MORC1: variants seen among roughly 807,000 people sequenced by gnomAD.
MORC1 encodes MORC family CW-type zinc finger 1, also known as MORC family CW-type zinc finger protein 1.
MORC1 carries 59 observed loss-of-function variants against 134.9 expected under a neutral mutation model. The ratio of observed to expected loss-of-function variants is 0.44; its 90% CI spans 0.35 to 0.54. The LOEUF (loss-of-function observed/expected upper bound fraction) is 0.54, where lower values mean the gene tolerates loss of function less well. Among genes scored for constraint, MORC1 ranks in the 20% least tolerant of loss-of-function variants. MORC1 has a pLI of 0.00. For missense variants in MORC1, 947 were observed against 1,134.5 expected, an observed-to-expected ratio of 0.83 and a Z score of 2.37; for synonymous variants, 395 against 391.7, an observed-to-expected ratio of 1.01 and a Z score of -0.10.
At chr3:109,110,050 C>G (rs185068309) in intron 3 of MORC1, 1 of 152,344 alleles carries the variant, frequency 6.6e-6, no homozygotes, top group East Asian at 1.9e-4. Context: ...CCACGTCTAT[C>G]TCTCTCATGA....
chr3:109,048,366 T>C (rs1949744094), intron 14 of MORC1, among the ~76,000 whole-genome samples: 2 of 152,306 alleles, frequency 1.3e-5, no homozygotes, highest in Non-Finnish European at 2.9e-5. Context: ...AATGCTAAAA[T>C]ACTTAGGGAT....
At chr3:109,081,009 T>TCACC (rs1349282240) in intron 8 of MORC1, among the ~76,000 whole-genome samples, 1 of 152,064 alleles carries the variant, frequency 6.6e-6, no homozygotes, top group Non-Finnish European at 1.5e-5. Flanking sequence ...AATTAATCCT[T>TCACC]CACCCTCCAT....
chr3:109,054,483 G>A (rs772378329), intron 14 of MORC1, among the ~76,000 whole-genome samples: 21 of 152,086 alleles, frequency 1.4e-4, no homozygotes, highest in Non-Finnish European at 2.5e-4. Flanking sequence ...ATGGTCAGCT[G>A]CCACCTCACT....
At position 109,116,529 on chromosome 3, in the gene MORC1, G is replaced by A. The variant is rs752928061; in HGVS notation, c.65+1466C>T. ...CTCATGACTGTAATCCCAGCACTCCGGGAGGCCGAAGTGGGAGGATCACCT... is the reference window on the plus strand; with the variant it reads ...CTCATGACTGTAATCCCAGCACTCCAGGAGGCCGAAGTGGGAGGATCACCT... On this transcript the variant is annotated intron_variant, in intron 1 of 27. Transcript: ENST00000232603. Among the ~76,000 whole-genome samples, 7 of 152,300 alleles carry A rather than the reference G, an allele frequency of 4.6e-5. 1 individual carries two copies. In the East Asian group the frequency reaches 9.6e-4, roughly 21 times the overall value.
Position 108,963,532 on chromosome 3 carries a change from G to A in MORC1, c.2681C>T (p.Thr894Ile). The change falls in exon 27 of 28, where the codon ACA becomes ATA. Residue 894 changes from threonine to isoleucine, a missense_variant. By Grantham distance (89) the Thr-to-Ile change is moderately conservative. Coordinates refer to ENST00000232603, the MANE Select transcript of MORC1 (RefSeq NM_014429.4). ...AGAGATTTCATTATGTATTCCTCTT[G>A]TATTTGAATCATAGATAATGGACTG... ...KLQSIIYDSN[T>I]RGIHNEISLG... 1 of 1,603,956 alleles carries A rather than the reference G, an allele frequency of 6.2e-7. No individual in the cohort carries two copies.
At chr3:108,989,841 C>T (rs1947997871) in intron 21 of MORC1, among the ~76,000 whole-genome samples, 1 of 152,146 alleles carries the variant, frequency 6.6e-6, no homozygotes, top group Admixed American at 6.6e-5. Flanking sequence ...CCAGATACTA[C>T]CACGGCGAAA....
At chr3:109,101,640 T>C (rs967239340) in intron 4 of MORC1, 5 of 152,250 alleles carry the variant, frequency 3.3e-5, no homozygotes, top group Non-Finnish European at 5.9e-5. Flanking sequence ...GGGTTAGGCA[T>C]TAGGTAAGGA....
intron 22 of MORC1, among the ~76,000 whole-genome samples, chr3:108,986,492 G>A (rs903606936): frequency 6.6e-6 from 1 of 152,004 alleles, no homozygotes. Context: ...AAAGCAGAAA[G>A]TTACTAAAAG....
intron 26 of MORC1, among the ~76,000 whole-genome samples, chr3:108,965,388 G>C (rs1947191617): frequency 6.6e-6 from 1 of 152,156 alleles, no homozygotes; most frequent in South Asian, 2.1e-4. Flanking sequence ...AATAAATAAA[G>C]CAATTGTCAA....
At chr3:109,032,165 G>A (rs1256110094) in intron 16 of MORC1, among the ~76,000 whole-genome samples, 1 of 152,074 alleles carries the variant, frequency 6.6e-6, no homozygotes, top group Non-Finnish European at 1.5e-5. Context: ...TTGACTTAGG[G>A]GTGCTTTTGT....
chr3:109,000,623 C>G lies in MORC1; in HGVS notation c.2121G>C (p.Leu707=), dbSNP rs3762698. Residue 707 remains leucine (L), a synonymous_variant, in exon 21 of 28, where the codon CTG becomes CTC. Coordinates refer to ENST00000232603, the MANE Select transcript of MORC1 (RefSeq NM_014429.4). ...ASWEMKRKQS[L]NFVEECKVLT... Reference sequence around the variant, plus strand: ...ATACCTTACATTCCTCTACAAAGTTCAGACTCTGCTTCCTTTTCATTTCCC... The same window carrying G: ...ATACCTTACATTCCTCTACAAAGTTGAGACTCTGCTTCCTTTTCATTTCCC... 416,417 of 1,605,466 alleles carry G rather than the reference C, an allele frequency of 0.26. 56,685 individuals carry two copies. Among genetic ancestry groups the G allele is most frequent in the Middle Eastern group, 0.4 (2,390 of 6,024 alleles).
chr3:108,963,747 T>C, intron 26 of MORC1, 139 bp from the exon 27 acceptor site: 3 of 593,850 alleles, frequency 5.1e-6, no homozygotes, highest in Non-Finnish European at 5.7e-6. Context: ...TTAGGAAATA[T>C]TGATACCCTT....
chr3:109,000,423 T>C (rs1559883035), intron 21 of MORC1, 134 bp downstream of exon 21: 2 of 639,364 alleles, frequency 3.1e-6, no homozygotes, highest in East Asian at 2.8e-5. Flanking sequence ...TAAACTTTTC[T>C]GAGTCTTATT....
chr3:109,080,425 T>C (rs1173047163), intron 8 of MORC1, among the ~76,000 whole-genome samples: 2 of 152,266 alleles, frequency 1.3e-5, no homozygotes, highest in East Asian at 1.9e-4. Flanking sequence ...CCACAACATA[T>C]GGGATTTCAA....
chr3:109,105,678 CAAAA>C (rs5851645), intron 3 of MORC1, among the ~76,000 whole-genome samples: 5 of 131,402 alleles, frequency 3.8e-5, no homozygotes. Flanking sequence ...GACCCTGTCT[CAAAA>C]AAAAAAAAAA....
intron 23 of MORC1, 148 bp from the exon 24 acceptor site, chr3:108,979,815 C>A: frequency 2.6e-6 from 2 of 783,160 alleles, no homozygotes; most frequent in Non-Finnish European, 3.8e-6. Context: ...ACTGTAGTTA[C>A]ATGAAACAAA....
At position 108,958,806 on chromosome 3, in the gene MORC1, T is replaced by C; in HGVS notation, c.*159A>G. On this transcript the variant is annotated 3_prime_UTR_variant, in exon 28 of 28. Transcript: ENST00000232603. ...CATAAATTGTAAATCGGTCTCCATTTCTAGAGTACACAATTTTCTTATTTG... is the reference window on the plus strand; with the variant it reads ...CATAAATTGTAAATCGGTCTCCATTCCTAGAGTACACAATTTTCTTATTTG... 2.5e-6 allele frequency: 1 copy of C among 403,680 alleles called. No individual in the cohort carries two copies. Among genetic ancestry groups the C allele is most frequent in the Non-Finnish European group, 4.3e-6 (1 of 232,474 alleles). 25.0% of individuals were successfully genotyped at this position (403,680 alleles called of 1,614,324 possible). A position where few individuals can be genotyped will look rare whatever the true frequency, so the allele number is the denominator to read the frequency against.
chr3:109,006,851 C>G (rs1948552207), intron 18 of MORC1, among the ~76,000 whole-genome samples, 178 bp downstream of exon 18: 1 of 152,088 alleles, frequency 6.6e-6, no homozygotes, highest in Admixed American at 6.6e-5. Flanking sequence ...ATTTTACTTT[C>G]TAACTTATCC....
rs913007174 is a variant in MORC1 at position 109,011,871 on chromosome 3, T to C, written c.1705-4780A>G. 5.9e-5 allele frequency among the ~76,000 whole-genome samples: 9 copies of C among 152,216 alleles called. 1 individual carries two copies. The highest frequency in any genetic ancestry group is 1.3e-4 in the Admixed American group (2 of 15,286). On this transcript the variant is annotated intron_variant, in intron 17 of 27. Transcript: ENST00000232603. ...CCAGATACAAGTCCACTGTCAGGTA[T>C]TATTTTGCAAATATTTTCTCCCAGT...
Sources: gnomAD v4.1 joint callset for allele counts (sites outside exome capture counted in the v4.1 genomes callset) on GRCh38, gnomAD v4.1.1 for gene constraint, MANE v1.5 for transcripts, NCBI Gene and HGNC (gene_info 2026-07-23, HGNC 2026-07-21) for gene names.